TMTC1: variants seen among roughly 807,000 people sequenced by gnomAD.
TMTC1 encodes the protein protein O-mannosyl-transferase TMTC1.
Under a neutral mutation model 104.8 loss-of-function variants are expected in TMTC1, and 73 were observed. The ratio of observed to expected loss-of-function variants is 0.70; its 90% CI spans 0.58 to 0.85. TMTC1 has a LOEUF of 0.85. Among genes scored for constraint, TMTC1 ranks in the 40% least tolerant of loss-of-function variants. The pLI is 0.00. For missense variants in TMTC1, 1,035 were observed against 1,096.1 expected (o/e 0.94, Z 0.79); for synonymous variants, 434 against 428.7 (o/e 1.01, Z -0.15).
intron 9 of TMTC1, among the ~76,000 whole-genome samples, chr12:29,569,963 A>C (rs1945621262): frequency 6.6e-6 from 1 of 152,200 alleles, no homozygotes; most frequent in Admixed American, 6.5e-5. Flanking sequence ...AATTCTGTAA[A>C]ATCAACTGCC....
At chr12:29,613,278 C>A (rs1020631546) in intron 6 of TMTC1, among the ~76,000 whole-genome samples, 1 of 152,114 alleles carries the variant, frequency 6.6e-6, no homozygotes, top group East Asian at 1.9e-4. Flanking sequence ...CACCTAGGAC[C>A]CCCACCTGAC....
chr12:29,519,929 A>C (rs1449625852), intron 12 of TMTC1: 1 of 152,250 alleles, frequency 6.6e-6, no homozygotes, highest in Non-Finnish European at 1.5e-5. Context: ...TTGAAAAACT[A>C]ATTAAACTAA....
intron 5 of TMTC1, among the ~76,000 whole-genome samples, chr12:29,654,766 C>A (rs1939678530): frequency 6.6e-6 from 1 of 151,772 alleles, no homozygotes; most frequent in East Asian, 1.9e-4. Flanking sequence ...TAATGGAATG[C>A]TACTGGGGAA....
rs142412052 is a variant in TMTC1, at chr12:29,755,795, C to T, written c.645G>A (p.Ala215=). ...LLLSLFLGTC[A]MLVKETGITV... ...TGATGCCTGTCTCTTTCACCAGCAT[C>T]GCACAGGTCCCCAGAAACAAACTGA... The change falls in exon 4 of 18, where the codon GCG becomes GCA. Residue 215 remains alanine, a synonymous_variant. Coordinates refer to ENST00000539277, the MANE Select transcript of TMTC1 (RefSeq NM_001193451.2). 70 of 1,614,142 alleles carry T rather than the reference C, an allele frequency of 4.3e-5. No homozygotes were observed. Among genetic ancestry groups the T allele is most frequent in the African/African-American group, 9.3e-5 (7 of 75,030 alleles).
At chr12:29,718,990 G>A (rs143946624) in intron 5 of TMTC1, among the ~76,000 whole-genome samples, 2 of 150,672 alleles carry the variant, frequency 1.3e-5, no homozygotes, top group East Asian at 3.9e-4. Flanking sequence ...CAGTAAACCT[G>A]TAGATAAATA....
chr12:29,670,558 C>A (rs902033130), intron 5 of TMTC1, among the ~76,000 whole-genome samples: 52 of 152,184 alleles, frequency 3.4e-4, no homozygotes, highest in Admixed American at 2.9e-3. Context: ...TCTGTCTTTA[C>A]CGTCCCAGGA....
intron 6 of TMTC1, among the ~76,000 whole-genome samples, chr12:29,614,540 G>A (rs930151364): frequency 6.6e-6 from 1 of 152,198 alleles, no homozygotes; most frequent in Non-Finnish European, 1.5e-5. Context: ...TGGAAACAAA[G>A]GTCCCTATGT....
intron 7 of TMTC1, among the ~76,000 whole-genome samples, chr12:29,597,758 G>C (rs1383592927): frequency 6.6e-6 from 1 of 152,112 alleles, no homozygotes. Context: ...ATGTAACAGA[G>C]GGGTTATAAA....
At chr12:29,722,498 G>T (rs979104578) in intron 5 of TMTC1, among the ~76,000 whole-genome samples, 1 of 152,142 alleles carries the variant, frequency 6.6e-6, no homozygotes, top group African/African-American at 2.4e-5. Flanking sequence ...CTAATTGTAG[G>T]TCTAAGATGG....
Position 29,502,684 on chromosome 12 carries a change from T to C in TMTC1, c.*4162A>G, listed in dbSNP as rs1042404272. 1 of 152,216 alleles carries C rather than the reference T, an allele frequency of 6.6e-6. No homozygotes were observed. Among genetic ancestry groups the C allele is most frequent in the African/African-American group, 2.4e-5 (1 of 41,450 alleles). 9.4% of individuals were successfully genotyped at this position (152,216 alleles called of 1,614,324 possible). A position where few individuals can be genotyped will look rare whatever the true frequency, so the allele number is the denominator to read the frequency against. On this transcript the variant is annotated 3_prime_UTR_variant, in exon 18 of 18. Transcript: ENST00000539277. ...GCCATACATCATTGTTAAGACTTCT[T>C]TGGCTCATTTTAGTATAGACTTAAA... is the stretch of plus-strand genomic sequence containing the variant.
chr12:29,747,492 A>G (rs1438841235), intron 5 of TMTC1, among the ~76,000 whole-genome samples: 5 of 152,198 alleles, frequency 3.3e-5, no homozygotes, highest in Admixed American at 6.5e-5. Context: ...CCTGTATTAG[A>G]TAACTTCTGA....
intron 5 of TMTC1, among the ~76,000 whole-genome samples, chr12:29,686,996 G>A (rs1941115359): frequency 6.6e-6 from 1 of 151,980 alleles, no homozygotes; most frequent in Non-Finnish European, 1.5e-5. Flanking sequence ...AAAAAAATGA[G>A]TGAAAGGAAA....
intron 13 of TMTC1, 131 bp from the exon 14 acceptor site, chr12:29,517,702 A>G: frequency 1.9e-6 from 2 of 1,066,804 alleles, no homozygotes; most frequent in Non-Finnish European, 2.7e-6. Context: ...TTTTATATCA[A>G]TAACAAGGTT....
At chr12:29,675,280 TAACTC>T (rs150981994) in intron 5 of TMTC1, among the ~76,000 whole-genome samples, 21,119 of 152,210 alleles carry the variant, frequency 0.14, 1,760 homozygotes, top group East Asian at 0.35. Flanking sequence ...GTCCTAAACT[TAACTC>T]AAGTCCAACT....
intron 5 of TMTC1, among the ~76,000 whole-genome samples, chr12:29,705,896 T>C: frequency 6.6e-6 from 1 of 152,132 alleles, no homozygotes; most frequent in East Asian, 1.9e-4. Context: ...TGTGCTCTAC[T>C]GCTTACATTA....
chr12:29,694,768 C>A (rs940486441), intron 5 of TMTC1, among the ~76,000 whole-genome samples: 1 of 151,926 alleles, frequency 6.6e-6, no homozygotes, highest in Non-Finnish European at 1.5e-5. Context: ...GGTGAAACAC[C>A]GTCTCTACTA....
chr12:29,596,157 C>T (rs1289659093), intron 7 of TMTC1, among the ~76,000 whole-genome samples: 1 of 152,126 alleles, frequency 6.6e-6, no homozygotes, highest in Non-Finnish European at 1.5e-5. Context: ...CAGGCATGCG[C>T]CACCACGCCT....
chr12:29,560,844 A>G (rs901476663), intron 9 of TMTC1, among the ~76,000 whole-genome samples: 9 of 152,168 alleles, frequency 5.9e-5, no homozygotes, highest in Admixed American at 3.3e-4. Flanking sequence ...TCAGCATGTT[A>G]ATAGGAAAAA....
chr12:29,562,990 A>C (rs951776568), intron 9 of TMTC1, among the ~76,000 whole-genome samples: 1 of 152,196 alleles, frequency 6.6e-6, no homozygotes, highest in African/African-American at 2.4e-5. Context: ...TGCTCCCATC[A>C]GTCAAAATTA....
Sources: gnomAD v4.1 joint callset for allele counts (sites outside exome capture counted in the v4.1 genomes callset) on GRCh38, gnomAD v4.1.1 for gene constraint, MANE v1.5 for transcripts, NCBI Gene and HGNC (gene_info 2026-07-23, HGNC 2026-07-21) for gene names.